MAP4K4: variants seen among roughly 807,000 people sequenced by gnomAD.
MAP4K4 encodes HPK/GCK-like kinase HGK.
MAP4K4 carries 38 observed loss-of-function variants against 189.6 expected under a neutral mutation model. The ratio of observed to expected loss-of-function variants is 0.20; its 90% CI spans 0.15 to 0.26. The LOEUF is 0.26. Among genes scored for constraint, MAP4K4 ranks in the 10% least tolerant of loss-of-function variants. MAP4K4 has a pLI of 1.00. For synonymous variants in MAP4K4, 610 were observed against 624.3 expected (o/e 0.98, Z 0.34); for missense variants, 1,054 against 1,726.9 (o/e 0.61, Z 6.91).
At chr2:101,738,989 C>T (rs764281858) in intron 2 of MAP4K4, among the ~76,000 whole-genome samples, 4 of 152,092 alleles carry the variant, frequency 2.6e-5, no homozygotes, top group Non-Finnish European at 5.9e-5. Flanking sequence ...ACAGTTACTG[C>T]TGGCCGTCAT....
chr2:101,698,151 CGAGCGGGCGCGCGGG>C lies in MAP4K4; in HGVS notation c.57+23_57+37del, dbSNP rs777447357. On this transcript the variant is annotated intron_variant, in intron 1 of 32. Coordinates refer to ENST00000324219, the Ensembl canonical transcript of MAP4K4. ...TCCTCCCTGCGGGTGAGTGGGCCCG[CGAGCGGGCGCGCGGG>C]GAGCGGGCAGCCGGCAGCCGGCAGC... The C allele has an allele frequency of 8.3e-6, 10 of 1,199,358 alleles. 1 individual carries two copies. The South Asian group carries it at 1.4e-4, about 16-fold the overall frequency. 74.3% of individuals were successfully genotyped at this position (1,199,358 alleles called of 1,614,324 possible).
exon 4 of MAP4K4, chr2:101,824,023 G>T: frequency 6.2e-7 from 1 of 1,607,674 alleles, no homozygotes; most frequent in South Asian, 1.1e-5. Context: ...TCATCAAAAA[G>T]AGCCCTCCAG....
intron 3 of MAP4K4, among the ~76,000 whole-genome samples, chr2:101,818,668 T>G (rs1392423111): frequency 6.6e-6 from 1 of 152,202 alleles, no homozygotes; most frequent in Non-Finnish European, 1.5e-5. Flanking sequence ...GGGCAGGGCT[T>G]GTCATATGAC....
chr2:101,869,771 C>G (rs1220136828), exon 22 of MAP4K4: 1 of 1,579,204 alleles, frequency 6.3e-7, no homozygotes, highest in Non-Finnish European at 8.6e-7. Context: ...ACGAGTCCAC[C>G]TCAGGACCAG....
At chr2:101,721,183 T>G (rs1408066533) in intron 2 of MAP4K4, among the ~76,000 whole-genome samples, 1 of 152,182 alleles carries the variant, frequency 6.6e-6, no homozygotes, top group Non-Finnish European at 1.5e-5. Context: ...AAACTGATAC[T>G]AGAAATTGTC....
At chr2:101,881,897 CA>C (rs2098402274) in intron 27 of MAP4K4, among the ~76,000 whole-genome samples, 1 of 152,114 alleles carries the variant, frequency 6.6e-6, no homozygotes, top group Non-Finnish European at 1.5e-5. Flanking sequence ...GACTACACCA[CA>C]ATGTATTTAC....
chr2:101,838,328 T>C (rs745526541), intron 9 of MAP4K4, among the ~76,000 whole-genome samples: 46 of 152,232 alleles, frequency 3.0e-4, no homozygotes, highest in Non-Finnish European at 5.6e-4. Flanking sequence ...TGTTAAAGCA[T>C]TTCACTGTAC....
chr2:101,785,531 C>T (rs755712435), intron 2 of MAP4K4, among the ~76,000 whole-genome samples: 19 of 152,014 alleles, frequency 1.2e-4, no homozygotes, highest in East Asian at 1.9e-4. Context: ...TGCCTCTCAA[C>T]GAATATATTT....
intron 17 of MAP4K4, 116 bp from the exon 18 acceptor site, chr2:101,864,801 GGGAGTGGAGGTGA>G: frequency 1.6e-6 from 1 of 633,080 alleles, no homozygotes. Context: ...AGTTGGGGTG[GGGAGTGGAGGTGA>G]TAGGAAGGAC....
chr2:101,738,172 T>C (rs1009851593), intron 2 of MAP4K4, among the ~76,000 whole-genome samples: 24 of 152,166 alleles, frequency 1.6e-4, no homozygotes, highest in Non-Finnish European at 3.4e-4. Context: ...TACTTTTTTT[T>C]CTTCTCTGAA....
At chr2:101,889,068 T>A in intron 32 of MAP4K4, 133 bp downstream of exon 32, 1 of 841,554 alleles carries the variant, frequency 1.2e-6, no homozygotes, top group Non-Finnish European at 1.8e-6. Context: ...CGTTGCTTTT[T>A]AGTCATGTTT....
chr2:101,850,459 A>C (rs1376229076), intron 12 of MAP4K4, among the ~76,000 whole-genome samples: 1 of 152,246 alleles, frequency 6.6e-6, no homozygotes, highest in Non-Finnish European at 1.5e-5. Context: ...ATTCTGAAGC[A>C]CTTTCCAGCA....
At chr2:101,784,263 CGTGTGTGTGTGTGTGTGTGTGTGTAT>C (rs1267653215) in intron 2 of MAP4K4, among the ~76,000 whole-genome samples, 1 of 146,654 alleles carries the variant, frequency 6.8e-6, no homozygotes, top group African/African-American at 2.6e-5. Context: ...TGATGCTCTT[CGTGTGTGTGTGTGTGTGTGTGTGTAT>C]GTGTGTGTGT....
intron 22 of MAP4K4, 78 bp downstream of exon 22, chr2:101,869,875 A>T: frequency 6.9e-7 from 1 of 1,453,128 alleles, no homozygotes; most frequent in Non-Finnish European, 9.1e-7. Context: ...AGTTGTTCCT[A>T]GACTATTCCG....
intron 12 of MAP4K4, among the ~76,000 whole-genome samples, chr2:101,853,252 A>T (rs1013839084): frequency 1.3e-5 from 2 of 152,220 alleles, no homozygotes; most frequent in African/African-American, 2.4e-5. Flanking sequence ...AATCTCTACC[A>T]TGAAAGATTT....
intron 10 of MAP4K4, among the ~76,000 whole-genome samples, chr2:101,842,379 G>T (rs913659266): frequency 3.6e-4 from 55 of 152,150 alleles, no homozygotes; most frequent in African/African-American, 1.3e-3. Flanking sequence ...AGGTTGGCTC[G>T]AATGCCGTGG....
At chr2:101,826,694 T>G (rs2096374900) in intron 5 of MAP4K4, among the ~76,000 whole-genome samples, 1 of 152,322 alleles carries the variant, frequency 6.6e-6, no homozygotes, top group African/African-American at 2.4e-5. Flanking sequence ...GAGTCCTACC[T>G]CTGCTGCTTA....
At chr2:101,707,962 A>G (rs928946087) in intron 2 of MAP4K4, among the ~76,000 whole-genome samples, 2 of 151,082 alleles carry the variant, frequency 1.3e-5, no homozygotes, top group Admixed American at 6.6e-5. Flanking sequence ...CGGCCTCTCT[A>G]AGTGCTGGGA....
At chr2:101,774,499 C>T (rs2083005396) in intron 2 of MAP4K4, among the ~76,000 whole-genome samples, 1 of 152,144 alleles carries the variant, frequency 6.6e-6, no homozygotes, top group Non-Finnish European at 1.5e-5. Context: ...TATTGTCTCT[C>T]ATTCTGTGGG....
Sources: gnomAD v4.1 joint callset for allele counts (sites outside exome capture counted in the v4.1 genomes callset) on GRCh38, gnomAD v4.1.1 for gene constraint, MANE v1.5 for transcripts, NCBI Gene and HGNC (gene_info 2026-07-23, HGNC 2026-07-21) for gene names.